OPCML: variants seen among roughly 807,000 people sequenced by gnomAD.
OPCML encodes opioid-binding protein/cell adhesion molecule.
Under a neutral mutation model 37.8 loss-of-function variants are expected in OPCML, and 13 were observed. The observed-to-expected ratio is 0.34, with a 90% CI of 0.22 to 0.55. OPCML has a LOEUF of 0.55. OPCML is among the 20% of genes least tolerant of loss of function. OPCML has a pLI of 0.91. For missense variants in OPCML, 341 were observed against 435.6 expected (o/e 0.78, Z 1.93); for synonymous variants, 176 against 168.8 (o/e 1.04, Z -0.33).
intron 1 of OPCML, among the ~76,000 whole-genome samples, chr11:133,230,231 A>G (rs1376623128): frequency 6.6e-6 from 1 of 152,214 alleles, no homozygotes; most frequent in Non-Finnish European, 1.5e-5. Flanking sequence ...CGCCAAATTC[A>G]GTGGAAAGGG....
intron 1 of OPCML, among the ~76,000 whole-genome samples, chr11:132,975,973 T>G (rs1946453766): frequency 6.6e-6 from 1 of 152,142 alleles, no homozygotes; most frequent in Non-Finnish European, 1.5e-5. Context: ...GGTTTCACCA[T>G]GTTAGCCAGG....
At position 132,683,136 on chromosome 11, in the gene OPCML, C is replaced by T. The variant is rs149469035; in HGVS notation, c.147-25817G>A. Reference sequence around the variant, plus strand: ...CTTGTAAAAAATATAAAAGCAAGACCGAGTGTGGTGGCTCACACCCGTAAT... The same window carrying T: ...CTTGTAAAAAATATAAAAGCAAGACTGAGTGTGGTGGCTCACACCCGTAAT... On this transcript the variant is annotated intron_variant, in intron 2 of 7. Coordinates refer to ENST00000524381, the MANE Select transcript of OPCML (RefSeq NM_001012393.5). Among the ~76,000 whole-genome samples the T allele has an allele frequency of 5.3e-5, 8 of 152,182 alleles. No homozygotes were observed. In the East Asian group the frequency reaches 1.5e-3, roughly 29 times the overall value.
chr11:132,960,645 G>A (rs1946073367), intron 1 of OPCML, among the ~76,000 whole-genome samples: 1 of 151,952 alleles, frequency 6.6e-6, no homozygotes, highest in Admixed American at 6.6e-5. Flanking sequence ...TTCTCCCTTT[G>A]CAAATCTTCA....
intron 4 of OPCML, among the ~76,000 whole-genome samples, chr11:132,449,084 C>A (rs925899342): frequency 1.3e-5 from 2 of 152,198 alleles, no homozygotes; most frequent in Admixed American, 6.5e-5. Flanking sequence ...AAGGTCCCTG[C>A]AGAGCTGGCC....
chr11:132,544,244 C>T (rs531821990), intron 3 of OPCML, among the ~76,000 whole-genome samples: 1 of 152,146 alleles, frequency 6.6e-6, no homozygotes, highest in South Asian at 2.1e-4. Context: ...CTTCCCAGTA[C>T]TCCAGACCAT....
At chr11:133,109,089 T>A (rs1592009104) in intron 1 of OPCML, among the ~76,000 whole-genome samples, 1 of 152,192 alleles carries the variant, frequency 6.6e-6, no homozygotes, top group Non-Finnish European at 1.5e-5. Context: ...GTTAATTGGT[T>A]TCTCTAGCTC....
In OPCML at chr11:133,532,437, A is replaced by C; in HGVS notation, c.-113T>G. The C allele has an allele frequency of 7.7e-7, 1 of 1,292,566 alleles. No individual in the cohort carries two copies. The highest frequency in any genetic ancestry group is 2.0e-5 in the Admixed American group (1 of 50,712). The allele number at this position is 1,292,566 out of a possible 1,614,324, so 80.1% of individuals were successfully genotyped here. On this transcript the variant is annotated 5_prime_UTR_variant, in exon 1 of 8. Coordinates refer to ENST00000524381, the MANE Select transcript of OPCML (RefSeq NM_001012393.5). ...GCAGGTTTAAATCCAATGTTTGCAA[A>C]GGGAGGGAGAGAGCAGAAGAGAGAG...
intron 1 of OPCML, among the ~76,000 whole-genome samples, chr11:133,194,505 C>T (rs576261441): frequency 3.9e-5 from 6 of 152,182 alleles, no homozygotes; most frequent in East Asian, 3.9e-4. Flanking sequence ...CCACTGCGCC[C>T]GGCTGCTTCA....
At chr11:132,435,173 G>C in intron 7 of OPCML, 1 of 1,289,534 alleles carries the variant, frequency 7.8e-7, no homozygotes. Flanking sequence ...CACTGCTGAT[G>C]AGGGGCTTAT....
intron 1 of OPCML, among the ~76,000 whole-genome samples, chr11:133,029,673 T>G (rs1319852864): frequency 6.6e-6 from 1 of 151,956 alleles, no homozygotes; most frequent in Non-Finnish European, 1.5e-5. Flanking sequence ...AACCCTTGGG[T>G]ACACATGGAC....
chr11:133,521,509 C>T (rs1233111787), intron 1 of OPCML, among the ~76,000 whole-genome samples: 1 of 152,222 alleles, frequency 6.6e-6, no homozygotes, highest in African/African-American at 2.4e-5. Flanking sequence ...AGGTAGTATC[C>T]ATTGACTCTC....
At chr11:133,043,754 G>T (rs979940590) in intron 1 of OPCML, among the ~76,000 whole-genome samples, 2 of 152,120 alleles carry the variant, frequency 1.3e-5, no homozygotes, top group African/African-American at 2.4e-5. Context: ...AAAAAAGGGG[G>T]ACAGAAACAT....
intron 2 of OPCML, among the ~76,000 whole-genome samples, chr11:132,797,553 T>C (rs1938400543): frequency 6.6e-6 from 1 of 152,194 alleles, no homozygotes; most frequent in African/African-American, 2.4e-5. Flanking sequence ...AACATTTCCG[T>C]TTTCCAGTGC....
intron 1 of OPCML, among the ~76,000 whole-genome samples, chr11:133,288,033 C>T (rs1045779767): frequency 6.6e-6 from 1 of 152,202 alleles, no homozygotes; most frequent in East Asian, 1.9e-4. Context: ...GATGTGACTC[C>T]ACTTCCAAGA....
chr11:133,294,815 CTTTTTTTT>C (rs59382534), intron 1 of OPCML, among the ~76,000 whole-genome samples: 1 of 56,560 alleles, frequency 1.8e-5, no homozygotes, highest in Non-Finnish European at 3.2e-5. Flanking sequence ...TTCTTTCTTT[CTTTTTTTT>C]TTTTTTTTTT....
chr11:133,099,701 A>G (rs952262190), intron 1 of OPCML, among the ~76,000 whole-genome samples: 1 of 151,988 alleles, frequency 6.6e-6, no homozygotes. Context: ...TGCCTGTTGG[A>G]TGCATGTCTG....
At chr11:133,406,215 C>A (rs1312162926) in intron 1 of OPCML, among the ~76,000 whole-genome samples, 1 of 152,084 alleles carries the variant, frequency 6.6e-6, no homozygotes, top group Non-Finnish European at 1.5e-5. Context: ...CAAGAACATA[C>A]ACACAGTCCC....
At position 132,517,671 on chromosome 11, in the gene OPCML, A is replaced by G. The variant is rs536166207; in HGVS notation, c.505+11390T>C. Reference sequence around the variant, plus strand: ...TAGCATAATTTGATATAGCAATTGCATAGAGAAGGCTTTACAACATACAGC... The same window carrying G: ...TAGCATAATTTGATATAGCAATTGCGTAGAGAAGGCTTTACAACATACAGC... On this transcript the variant is annotated intron_variant, in intron 4 of 7. Transcript: ENST00000524381. 7.9e-5 allele frequency among the ~76,000 whole-genome samples: 12 copies of G among 152,352 alleles called. 1 individual carries two copies. In the South Asian group the frequency reaches 2.5e-3, roughly 32 times the overall value.
chr11:132,699,720 C>A (rs1248296313), intron 2 of OPCML, among the ~76,000 whole-genome samples: 1 of 151,952 alleles, frequency 6.6e-6, no homozygotes, highest in Non-Finnish European at 1.5e-5. Flanking sequence ...ATGTGTGACT[C>A]TTTTAATGTG....
Sources: allele counts gnomAD v4.1 joint callset (sites outside exome capture counted in the v4.1 genomes callset), GRCh38; gene constraint gnomAD v4.1.1; transcripts MANE v1.5; gene names NCBI Gene and HGNC (gene_info 2026-07-23, HGNC 2026-07-21).